TULP4: variants seen among roughly 807,000 people sequenced by gnomAD.
The protein encoded by TULP4 is TUB like protein 4.
In TULP4, 16 loss-of-function variants were observed where a neutral mutation model predicts 129.0. The ratio of observed to expected loss-of-function variants is 0.12; its 90% confidence interval spans 0.08 to 0.19. The LOEUF is 0.19. Ranked by LOEUF, TULP4 falls within the 10% of genes least tolerant of loss-of-function variation. TULP4 has a pLI of 1.00. For missense variants in TULP4, 1,842 were observed against 2,059.1 expected, an observed-to-expected ratio of 0.89 and a Z score of 2.04; for synonymous variants, 998 against 854.0, an observed-to-expected ratio of 1.17 and a Z score of -2.94.
At position 158,485,826 on chromosome 6, in the gene TULP4, C is replaced by T. The variant is rs75415482; in HGVS notation, c.1487-3762C>T. 4.0e-3 allele frequency among the ~76,000 whole-genome samples: 602 copies of T among 152,348 alleles called. 22 individuals are homozygous for T. The East Asian group carries it at 0.061, about 15-fold the overall frequency. ...TTTGCTTGGAACCTGTCACCACTTT[C>T]GTACTTCCAGTGTCTCCTTTTTGGA... On this transcript the variant is annotated intron_variant, in intron 8 of 13. Transcript: ENST00000367097.
At chr6:158,357,297 A>G (rs1229500528) in intron 1 of TULP4, among the ~76,000 whole-genome samples, 4 of 152,214 alleles carry the variant, frequency 2.6e-5, no homozygotes, top group Non-Finnish European at 1.5e-5. Flanking sequence ...AGGATTTGCC[A>G]CTGGTGTTAC....
At chr6:158,444,223 A>AG in intron 3 of TULP4, among the ~76,000 whole-genome samples, 2 of 131,986 alleles carry the variant, frequency 1.5e-5, no homozygotes, top group East Asian at 4.4e-4. Context: ...CTGTCTCAAA[A>AG]AAAAAAAAAA....
chr6:158,311,646 T>A (rs968205546), upstream of TULP4, among the ~76,000 whole-genome samples: 1 of 152,220 alleles, frequency 6.6e-6, no homozygotes, highest in Non-Finnish European at 1.5e-5. Flanking sequence ...TCAATCCAGA[T>A]AACTTGCCTG....
At chr6:158,264,707 C>T (rs1778418964) in intron 1 of TULP4, among the ~76,000 whole-genome samples, 3 of 152,082 alleles carry the variant, frequency 2.0e-5, no homozygotes, top group Admixed American at 2.0e-4. Flanking sequence ...GCTGAAAGAG[C>T]CCTGCTGTTG....
intron 1 of TULP4, among the ~76,000 whole-genome samples, chr6:158,352,642 G>C (rs1278799113): frequency 1.3e-5 from 2 of 152,164 alleles, no homozygotes; most frequent in Non-Finnish European, 2.9e-5. Flanking sequence ...TGATCCACCC[G>C]TCTTGGCCTC....
intron 6 of TULP4, among the ~76,000 whole-genome samples, chr6:158,471,645 A>G (rs747457591): frequency 3.3e-5 from 5 of 152,220 alleles, no homozygotes; most frequent in Admixed American, 6.5e-5. Flanking sequence ...AGTTAAGGCC[A>G]TATGTATGAG....
chr6:158,384,310 CAG>C (rs1439740425), intron 1 of TULP4, among the ~76,000 whole-genome samples: 1 of 138,316 alleles, frequency 7.2e-6, no homozygotes, highest in Admixed American at 7.5e-5. Context: ...TTTCTTGAGA[CAG>C]AGTCTCGCTC....
intron 4 of TULP4, among the ~76,000 whole-genome samples, chr6:158,451,463 A>T (rs1779160937): frequency 6.6e-6 from 1 of 152,186 alleles, no homozygotes; most frequent in South Asian, 2.1e-4. Flanking sequence ...GGCATCTAGG[A>T]AGGGCTTACT....
intron 1 of TULP4, among the ~76,000 whole-genome samples, chr6:158,243,816 ACATCCTGT>A (rs1360203648): frequency 6.6e-6 from 1 of 150,440 alleles, no homozygotes; most frequent in Non-Finnish European, 1.5e-5. Flanking sequence ...CAATATGGTT[ACATCCTGT>A]CATTTAGTTA....
intron 1 of TULP4, among the ~76,000 whole-genome samples, chr6:158,262,481 C>T (rs1049414680): frequency 6.6e-6 from 1 of 152,172 alleles, no homozygotes; most frequent in East Asian, 1.9e-4. Flanking sequence ...CCACTGAAGT[C>T]TTCCTGCACA....
chr6:158,477,763 A>G (rs1280278984), intron 6 of TULP4, among the ~76,000 whole-genome samples: 1 of 152,124 alleles, frequency 6.6e-6, no homozygotes, highest in Non-Finnish European at 1.5e-5. Flanking sequence ...TACTGGGTAT[A>G]TACCCAAAGG....
upstream of TULP4, among the ~76,000 whole-genome samples, chr6:158,308,988 C>T (rs1314155423): frequency 5.5e-5 from 8 of 145,210 alleles, no homozygotes; most frequent in Middle Eastern, 3.5e-3. Flanking sequence ...GGGGGCTGAC[C>T]CCCCCACCTC....
At chr6:158,470,972 T>C (rs1011591261) in intron 6 of TULP4, among the ~76,000 whole-genome samples, 4 of 152,152 alleles carry the variant, frequency 2.6e-5, no homozygotes, top group Non-Finnish European at 1.5e-5. Flanking sequence ...TGGAGAGGCA[T>C]GACTGTGTTC....
chr6:158,236,887 C>T (rs990974894), intron 1 of TULP4, among the ~76,000 whole-genome samples: 10 of 138,408 alleles, frequency 7.2e-5, no homozygotes, highest in African/African-American at 2.7e-4. Flanking sequence ...CATCTCGGCT[C>T]ACTGCAACCT....
intron 1 of TULP4, among the ~76,000 whole-genome samples, chr6:158,284,556 C>T (rs1778806375): frequency 6.6e-6 from 1 of 152,222 alleles, no homozygotes; most frequent in East Asian, 1.9e-4. Flanking sequence ...GTGCCATCTG[C>T]TTGATTCGTT....
intron 1 of TULP4, chr6:158,237,401 C>G (rs749198184): frequency 6.2e-7 from 1 of 1,610,684 alleles, no homozygotes; most frequent in South Asian, 1.1e-5. Flanking sequence ...GCTGGAGCCC[C>G]TGCAGGTCTC....
chr6:158,502,208 G>GCCCCCCCCCC lies in TULP4; in HGVS notation c.2546_2547insCCCCCCCCCC (p.Pro853ThrfsTer37). ...CATCCCCGCTGCCCCCACCACAGCA[G>GCCCCCCCCCC]CACCCCCGCCCCCTCTGCCGCCCCC... On this transcript the variant is annotated frameshift_variant, in exon 13 of 14. Coordinates refer to ENST00000367097, the MANE Select transcript of TULP4 (RefSeq NM_020245.5). LOFTEE classifies it high-confidence loss of function. The GCCCCCCCCCC allele has an allele frequency of 8.3e-7, 1 of 1,208,744 alleles. No individual in the cohort carries two copies. Among genetic ancestry groups the GCCCCCCCCCC allele is most frequent in the Non-Finnish European group, 1.1e-6 (1 of 895,200 alleles). 74.9% of individuals were successfully genotyped at this position (1,208,744 alleles called of 1,614,324 possible). A position where few individuals can be genotyped will look rare whatever the true frequency, so the allele number is the denominator to read the frequency against.
upstream of TULP4, chr6:158,312,336 T>C (rs1285549821): frequency 1.0e-5 from 4 of 389,864 alleles, no homozygotes; most frequent in Admixed American, 4.4e-5. Context: ...GTTTTCCATA[T>C]GGTCTGCACG....
chr6:158,493,561 T>G lies in TULP4; in HGVS notation c.1632-12T>G, dbSNP rs1160442478. Reference sequence around the variant, plus strand: ...CACGGATGCCTGACCCCTCCTGGCCTTGCCTCCCCAGGATCAGCATTGAGG... The same window carrying G: ...CACGGATGCCTGACCCCTCCTGGCCGTGCCTCCCCAGGATCAGCATTGAGG... On this transcript the variant is annotated splice_polypyrimidine_tract_variant and intron_variant, in intron 9 of 13. Transcript: ENST00000367097. This position sits in a 1 kb window ranked among gnomAD's most constrained non-coding sequence, Gnocchi z 4.4. The G allele has an allele frequency of 1.3e-6, 2 of 1,485,704 alleles. No homozygotes were observed. The highest frequency in any genetic ancestry group is 2.9e-5 in the African/African-American group (2 of 69,074). 92.0% of individuals were successfully genotyped at this position (1,485,704 alleles called of 1,614,324 possible).
Sources: gnomAD v4.1 joint callset for allele counts (sites outside exome capture counted in the v4.1 genomes callset) on GRCh38, gnomAD v4.1.1 for gene constraint, Gnocchi (gnomAD v3.1) non-coding constraint, MANE v1.5 for transcripts, NCBI Gene and HGNC (gene_info 2026-07-23, HGNC 2026-07-21) for gene names.